Variants in NPIPB11 observed in about 807,000 individuals in gnomAD.
NPIPB11 encodes nuclear pore complex-interacting protein family member B11.
NPIPB11 carries 17 observed loss-of-function variants against 32.8 expected under a neutral mutation model. The ratio of observed to expected loss-of-function variants is 0.52; its 90% CI spans 0.35 to 0.78. The LOEUF (loss-of-function observed/expected upper bound fraction) is 0.78. NPIPB11 is among the 30% of genes least tolerant of loss of function. The pLI, the probability that NPIPB11 is intolerant of heterozygous loss-of-function variation, is 0.01. For synonymous variants in NPIPB11, 209 were observed against 398.4 expected (o/e 0.52, Z 5.66); for missense variants, 537 against 1,000.4 (o/e 0.54, Z 6.25).
intron 2 of NPIPB11, among the ~76,000 whole-genome samples, chr16:29,396,933 A>T (rs1963868806): frequency 6.6e-6 from 1 of 151,860 alleles, no homozygotes; most frequent in Admixed American, 6.6e-5. Flanking sequence ...GCGGATCACG[A>T]GGTCAAGAGA....
chr16:29,394,937 G>T (rs1413273197), intron 2 of NPIPB11, among the ~76,000 whole-genome samples: 1 of 146,548 alleles, frequency 6.8e-6, no homozygotes, highest in African/African-American at 2.5e-5. Context: ...GTGGAGATGG[G>T]GTTTTGCCAT....
chr16:29,405,302 C>T (rs1012423707), upstream of NPIPB11, among the ~76,000 whole-genome samples: 1 of 151,738 alleles, frequency 6.6e-6, no homozygotes, highest in African/African-American at 2.4e-5. Context: ...TCCTTTTCTG[C>T]CCTCCAAGAC....
chr16:29,389,567 G>T lies in NPIPB11; in HGVS notation c.545+374C>A, dbSNP rs1474800331. On this transcript the variant is annotated intron_variant, in intron 5 of 7. Transcript: ENST00000524087. ...TGGGCACCTGTAATCCCAGCTACTT[G>T]GGAGGCTGAGGCAGGAGAATTGCTT... 1.2e-4 allele frequency among the ~76,000 whole-genome samples: 17 copies of T among 147,648 alleles called. No homozygotes were observed. The East Asian group carries it at 3.4e-3, about 30-fold the overall frequency.
intron 2 of NPIPB11, among the ~76,000 whole-genome samples, chr16:29,400,841 T>C (rs1421962973): frequency 6.6e-6 from 1 of 151,920 alleles, no homozygotes; most frequent in Admixed American, 6.6e-5. Context: ...CCATCGGAGG[T>C]GGCAGGTGTA....
At chr16:29,389,830 C>T (rs1963668620) in intron 5 of NPIPB11, 111 bp downstream of exon 5, 14 of 1,558,656 alleles carry the variant, frequency 9.0e-6, no homozygotes, top group South Asian at 1.1e-5. Context: ...AATTTTGAAC[C>T]TACTGAATTT....
exon 3 of NPIPB11, chr16:29,394,035 G>T (rs779316523): frequency 1.9e-4 from 302 of 1,599,310 alleles, no homozygotes; most frequent in Non-Finnish European, 1.4e-5. Context: ...TTCCACCAAA[G>T]TCAGTCCCAC....
At chr16:29,395,609 C>A in intron 2 of NPIPB11, among the ~76,000 whole-genome samples, 1 of 87,348 alleles carries the variant, frequency 1.1e-5, no homozygotes, top group Non-Finnish European at 2.1e-5. Flanking sequence ...TAAAGCTCAG[C>A]ATAAGTAAAA....
At chr16:29,391,694 GA>G (rs1340777813) in intron 3 of NPIPB11, among the ~76,000 whole-genome samples, 1 of 152,066 alleles carries the variant, frequency 6.6e-6, no homozygotes, top group Non-Finnish European at 1.5e-5. Context: ...ATGTCGGTCA[GA>G]TACCTATGAA....
chr16:29,394,429 CTTTTT>C (rs1248252716), intron 2 of NPIPB11, among the ~76,000 whole-genome samples: 1 of 122,348 alleles, frequency 8.2e-6, no homozygotes, highest in Non-Finnish European at 1.7e-5. Context: ...AAAAAAACCT[CTTTTT>C]TTTTTTTTTT....
chr16:29,394,562 G>A (rs369561631), intron 2 of NPIPB11, among the ~76,000 whole-genome samples: 30 of 150,758 alleles, frequency 2.0e-4, no homozygotes, highest in Middle Eastern at 3.4e-3. Flanking sequence ...AGCCTCCCGA[G>A]TAGCTGAGAT....
intron 2 of NPIPB11, among the ~76,000 whole-genome samples, chr16:29,400,756 G>T (rs1049000115): frequency 1.2e-4 from 19 of 152,212 alleles, no homozygotes; most frequent in African/African-American, 4.1e-4. Flanking sequence ...ATCTTCAGTG[G>T]CATTGGGCCT....
At chr16:29,399,673 A>T (rs959479421) in intron 2 of NPIPB11, among the ~76,000 whole-genome samples, 1 of 151,394 alleles carries the variant, frequency 6.6e-6, no homozygotes, top group African/African-American at 2.4e-5. Context: ...ACTCCAGCCT[A>T]GGAGACAGAG....
chr16:29,400,939 C>A (rs533201293), intron 2 of NPIPB11, among the ~76,000 whole-genome samples: 1 of 152,096 alleles, frequency 6.6e-6, no homozygotes, highest in Non-Finnish European at 1.5e-5. Flanking sequence ...ATTCCCTGTC[C>A]CTTGCCTCAT....
chr16:29,390,490 T>G (rs1963690724), intron 3 of NPIPB11, 142 bp from the exon 4 acceptor site: 1 of 1,321,292 alleles, frequency 7.6e-7, no homozygotes, highest in Non-Finnish European at 1.1e-6. Flanking sequence ...CCATCTCTAC[T>G]AAAAATACAA....
In NPIPB11 at chr16:29,399,051, CTAAGG is replaced by C. The variant is rs1272853956; in HGVS notation, c.120+4627_120+4631del. 1.7e-3 allele frequency among the ~76,000 whole-genome samples: 257 copies of C among 150,408 alleles called. 3 individuals carry two copies. The highest frequency in any genetic ancestry group is 4.8e-3 in the East Asian group (24 of 5,022). ...GAAACAAAGTTCATCAGCTTCTCTC[CTAAGG>C]TATTTGCCCACAATACCCAGAGGGC... On this transcript the variant is annotated intron_variant, in intron 2 of 7. Coordinates refer to ENST00000524087, the Ensembl canonical transcript of NPIPB11.
upstream of NPIPB11, among the ~76,000 whole-genome samples, chr16:29,405,502 C>T (rs550129941): frequency 6.6e-6 from 1 of 152,238 alleles, no homozygotes; most frequent in South Asian, 2.1e-4. Context: ...TGCAGTCATT[C>T]CCACACATTA....
chr16:29,397,971 C>T (rs1212772657), intron 2 of NPIPB11, among the ~76,000 whole-genome samples: 20 of 94,646 alleles, frequency 2.1e-4, no homozygotes, highest in Non-Finnish European at 3.5e-4. Context: ...GGCAAGGGAG[C>T]GTGAGGCTTA....
At chr16:29,402,569 GTGCA>G (rs1204945698) in intron 2 of NPIPB11, among the ~76,000 whole-genome samples, 6 of 17,746 alleles carry the variant, frequency 3.4e-4, no homozygotes, top group African/African-American at 1.2e-3. Context: ...GGGCATGATG[GTGCA>G]CACACCTGTA....
At chr16:29,394,168 T>C in intron 2 of NPIPB11, 92 bp from the exon 3 acceptor site, 1 of 1,395,390 alleles carries the variant, frequency 7.2e-7, no homozygotes, top group South Asian at 1.3e-5. Flanking sequence ...GTCAACCTCC[T>C]CCAAAAGGTA....
Sources: allele counts gnomAD v4.1 joint callset (sites outside exome capture counted in the v4.1 genomes callset), GRCh38; gene constraint gnomAD v4.1.1; transcripts MANE v1.5; gene names NCBI Gene and HGNC (gene_info 2026-07-23, HGNC 2026-07-21).